Variants in EYS observed in about 807,000 individuals in gnomAD.
EYS encodes EGF-like photoreceptor maintenance factor.
Under a neutral mutation model 282.1 loss-of-function variants are expected in EYS, and 250 were observed. The ratio of observed to expected loss-of-function variants is 0.89; its 90% CI spans 0.80 to 0.98. The LOEUF is 0.98. Among genes scored for constraint, EYS ranks in the 50% least tolerant of loss-of-function variants. EYS has a pLI of 0.00. For synonymous variants in EYS, 1,355 were observed against 1,282.9 expected (o/e 1.06, Z -1.20); for missense variants, 4,016 against 3,709.0 (o/e 1.08, Z -2.15).
At chr6:64,708,464 C>G (rs1276745308) in intron 22 of EYS, among the ~76,000 whole-genome samples, 1 of 152,122 alleles carries the variant, frequency 6.6e-6, no homozygotes, top group South Asian at 2.1e-4. Flanking sequence ...GTCTGATCTA[C>G]CCAGGTTTGA....
intron 5 of EYS, among the ~76,000 whole-genome samples, chr6:65,407,525 A>C (rs765140308): frequency 2.0e-5 from 3 of 152,146 alleles, no homozygotes; most frequent in Non-Finnish European, 4.4e-5. Context: ...AAGTGCTGGG[A>C]TTACAGGCGT....
In EYS at chr6:65,471,092, G is replaced by A. The variant is rs185301235; in HGVS notation, c.862+19502C>T. ...GCAGAGGTTGCAGTGAGCTGAGATCGCGCCACTGCACTCCAGCCTGGGTGA... is the reference window on the plus strand; with the variant it reads ...GCAGAGGTTGCAGTGAGCTGAGATCACGCCACTGCACTCCAGCCTGGGTGA... On this transcript the variant is annotated intron_variant, in intron 5 of 42. Coordinates refer to ENST00000503581, the MANE Select transcript of EYS (RefSeq NM_001142800.2). Among the ~76,000 whole-genome samples the A allele has an allele frequency of 6.8e-3, 1,027 of 151,894 alleles. 10 individuals are homozygous for A. Among genetic ancestry groups the A allele is most frequent in the African/African-American group, 0.024 (975 of 41,446 alleles).
chr6:64,260,595 A>C (rs1377581037), intron 30 of EYS, among the ~76,000 whole-genome samples: 1 of 152,066 alleles, frequency 6.6e-6, no homozygotes, highest in Non-Finnish European at 1.5e-5. Flanking sequence ...TATTATATTT[A>C]ATCTGCCCTC....
chr6:63,958,900 G>A (rs80111909), intron 35 of EYS, among the ~76,000 whole-genome samples: 6,476 of 152,244 alleles, frequency 0.043, 224 homozygotes, highest in Middle Eastern at 0.078. Flanking sequence ...AAATGTGTTC[G>A]CTGACAATGC....
At chr6:65,455,948 AGACG>A (rs1250986342) in intron 5 of EYS, among the ~76,000 whole-genome samples, 3 of 151,380 alleles carry the variant, frequency 2.0e-5, no homozygotes, top group Admixed American at 6.6e-5. Context: ...GATGCAGGAA[AGACG>A]GAAGGAAGGA....
At chr6:64,024,851 C>T (rs139943822) in intron 33 of EYS, among the ~76,000 whole-genome samples, 1,650 of 152,196 alleles carry the variant, frequency 0.011, 14 homozygotes, top group African/African-American at 0.023. Flanking sequence ...AAACTCCCGA[C>T]GCGCCACCCT....
Position 65,374,946 on chromosome 6 carries a change from T to C in EYS, c.1299+9440A>G, listed in dbSNP as rs189923463. On this transcript the variant is annotated intron_variant, in intron 8 of 42. Transcript: ENST00000503581. ...GAGAACCTGGGGGAAGGGCCGGCTG[T>C]GGTCGCAGCTTCAGTGGACTTAAGC... Among the ~76,000 whole-genome samples the C allele has an allele frequency of 1.0e-3, 159 of 152,258 alleles. 1 individual carries two copies. Among genetic ancestry groups the C allele is most frequent in the African/African-American group, 3.7e-3 (153 of 41,570 alleles).
chr6:65,349,901 A>G (rs1442154947), intron 9 of EYS, among the ~76,000 whole-genome samples: 2 of 151,554 alleles, frequency 1.3e-5, no homozygotes, highest in Non-Finnish European at 3.0e-5. Context: ...TTCTCCATGT[A>G]GAAGTTGCAT....
Position 63,778,062 on chromosome 6 carries a change from G to T in EYS, c.7842C>A (p.Cys2614Ter), listed in dbSNP as rs374494800. Residue 2614 changes from cysteine (C) to a stop codon, truncating the protein, a stop_gained, in exon 40 of 43, where the codon TGC (cysteine) becomes TGA (stop). Coordinates refer to ENST00000503581, the MANE Select transcript of EYS (RefSeq NM_001142800.2). LOFTEE classifies it high-confidence loss of function. ...RSVGQCHASP[C>*]SLMKCGNGGT... ...CACCATTGCCACATTTCATTAAACT[G>T]CAGGGAGAAGCATGACACTGGCCAA... The T allele has an allele frequency of 1.2e-5, 19 of 1,551,520 alleles. No homozygotes were observed. The highest frequency in any genetic ancestry group is 1.6e-5 in the Non-Finnish European group (18 of 1,146,944).
At chr6:64,586,627 T>C (rs561940710) in intron 26 of EYS, among the ~76,000 whole-genome samples, 1 of 152,076 alleles carries the variant, frequency 6.6e-6, no homozygotes, top group Non-Finnish European at 1.5e-5. Context: ...AAAATATCAA[T>C]TGAGTGTTAA....
intron 2 of EYS, among the ~76,000 whole-genome samples, chr6:65,535,581 C>T (rs1232204320): frequency 6.6e-6 from 1 of 152,070 alleles, no homozygotes; most frequent in African/African-American, 2.4e-5. Context: ...TCAGGTATGT[C>T]TTTATTAGTA....
chr6:65,469,207 G>A (rs1328924427), intron 5 of EYS, among the ~76,000 whole-genome samples: 1 of 151,750 alleles, frequency 6.6e-6, no homozygotes, highest in Non-Finnish European at 1.5e-5. Context: ...CAATTCTAGC[G>A]ACCTTATATA....
intron 29 of EYS, among the ~76,000 whole-genome samples, chr6:64,342,556 C>A (rs1050594420): frequency 1.3e-5 from 2 of 151,920 alleles, no homozygotes; most frequent in African/African-American, 4.8e-5. Flanking sequence ...AAAAGAGCTC[C>A]TGAAGGAAGC....
At chr6:65,545,917 T>C (rs545509339) in intron 2 of EYS, among the ~76,000 whole-genome samples, 1 of 152,262 alleles carries the variant, frequency 6.6e-6, no homozygotes, top group African/African-American at 2.4e-5. Flanking sequence ...CTAGCATTGC[T>C]GTTGAACCAT....
intron 5 of EYS, among the ~76,000 whole-genome samples, chr6:65,480,591 A>G (rs926535413): frequency 2.0e-4 from 30 of 152,286 alleles, no homozygotes; most frequent in East Asian, 1.4e-3. Context: ...AGAAAGGTGC[A>G]TATTAAATAG....
At chr6:64,147,882 T>C (rs1458623522) in intron 31 of EYS, among the ~76,000 whole-genome samples, 1 of 152,176 alleles carries the variant, frequency 6.6e-6, no homozygotes, top group East Asian at 1.9e-4. Flanking sequence ...GCAGCCACGG[T>C]GGACTTTGCA....
At chr6:64,942,227 C>A (rs1232226296) in intron 15 of EYS, among the ~76,000 whole-genome samples, 1 of 148,972 alleles carries the variant, frequency 6.7e-6, no homozygotes, top group Non-Finnish European at 1.5e-5. Context: ...GCATTTTTTT[C>A]ATATGTTTAT....
chr6:64,147,238 A>C (rs1774550512), intron 31 of EYS, among the ~76,000 whole-genome samples: 1 of 152,158 alleles, frequency 6.6e-6, no homozygotes, highest in Non-Finnish European at 1.5e-5. Flanking sequence ...GAGATGGTAG[A>C]AAAGGAGATT....
chr6:64,938,726 G>GTA (rs1270569394), intron 15 of EYS, among the ~76,000 whole-genome samples: 2 of 151,582 alleles, frequency 1.3e-5, no homozygotes, highest in Admixed American at 6.6e-5. Flanking sequence ...GTTTAAGGGA[G>GTA]GCTAGGATAA....
Sources: gnomAD v4.1 joint callset for allele counts (sites outside exome capture counted in the v4.1 genomes callset) on GRCh38, gnomAD v4.1.1 for gene constraint, MANE v1.5 for transcripts, NCBI Gene and HGNC (gene_info 2026-07-23, HGNC 2026-07-21) for gene names.